Variants in NRXN1 observed in about 807,000 individuals in gnomAD.
NRXN1 encodes the protein neurexin 1, also known as neurexin-1.
NRXN1 carries 39 observed loss-of-function variants against 150.9 expected under a neutral mutation model. The observed-to-expected ratio is 0.26, with a 90% confidence interval of 0.20 to 0.34. NRXN1 has a LOEUF of 0.34. Among genes scored for constraint, NRXN1 ranks in the 10% least tolerant of loss-of-function variants. NRXN1 has a pLI of 1.00. For synonymous variants in NRXN1, 924 were observed against 757.0 expected (o/e 1.22, Z -3.62); for missense variants, 1,815 against 1,949.9 (o/e 0.93, Z 1.30).
intron 22 of NRXN1, among the ~76,000 whole-genome samples, chr2:49,933,520 G>A (rs1438455466): frequency 6.6e-6 from 1 of 152,118 alleles, no homozygotes; most frequent in Non-Finnish European, 1.5e-5. Context: ...GTGAAGAGTG[G>A]TAAAAAGAAT....
At chr2:50,888,688 T>C (rs1398053504) in intron 5 of NRXN1, among the ~76,000 whole-genome samples, 2 of 151,660 alleles carry the variant, frequency 1.3e-5, no homozygotes, top group Non-Finnish European at 3.0e-5. Flanking sequence ...AAATATGTTT[T>C]GACAATGATA....
At chr2:50,920,225 C>A (rs564926639) in intron 5 of NRXN1, among the ~76,000 whole-genome samples, 1 of 151,666 alleles carries the variant, frequency 6.6e-6, no homozygotes, top group East Asian at 2.0e-4. Flanking sequence ...GATTGAGGAA[C>A]AAAATCTGAT....
intron 12 of NRXN1, among the ~76,000 whole-genome samples, chr2:50,512,659 ACTTAT>A (rs1401026431): frequency 6.6e-6 from 1 of 152,164 alleles, no homozygotes; most frequent in African/African-American, 2.4e-5. Context: ...TGGGTCTTGA[ACTTAT>A]TTAGGACCTA....
At chr2:49,960,521 T>C (rs1675741672) in intron 21 of NRXN1, among the ~76,000 whole-genome samples, 1 of 152,180 alleles carries the variant, frequency 6.6e-6, no homozygotes, top group Non-Finnish European at 1.5e-5. Flanking sequence ...ATCACATTAA[T>C]TTCCTCATTC....
chr2:50,584,783 T>A (rs925569071), intron 8 of NRXN1, among the ~76,000 whole-genome samples: 1 of 152,156 alleles, frequency 6.6e-6, no homozygotes, highest in Non-Finnish European at 1.5e-5. Context: ...CCACAGTATA[T>A]CTACATGAAT....
At chr2:50,167,745 G>T (rs1197681018) in intron 18 of NRXN1, among the ~76,000 whole-genome samples, 1 of 152,060 alleles carries the variant, frequency 6.6e-6, no homozygotes, top group Non-Finnish European at 1.5e-5. Flanking sequence ...TTGATGCCTA[G>T]TTTCTATGCC....
intron 21 of NRXN1, among the ~76,000 whole-genome samples, chr2:49,946,156 T>C (rs966090112): frequency 1.3e-5 from 2 of 152,214 alleles, no homozygotes; most frequent in African/African-American, 2.4e-5. Flanking sequence ...CTTTTTTTCA[T>C]ATGTGTGTTG....
intron 5 of NRXN1, among the ~76,000 whole-genome samples, chr2:50,835,691 T>G (rs1320613187): frequency 6.6e-6 from 1 of 152,292 alleles, no homozygotes; most frequent in Non-Finnish European, 1.5e-5. Context: ...AAAATAAAAA[T>G]AATCTTTAAA....
chr2:50,625,344 C>A (rs1168950292), intron 5 of NRXN1, among the ~76,000 whole-genome samples: 1 of 151,982 alleles, frequency 6.6e-6, no homozygotes, highest in African/African-American at 2.4e-5. Flanking sequence ...GAATTGAGCC[C>A]TGGAATATTA....
intron 2 of NRXN1, among the ~76,000 whole-genome samples, chr2:51,000,572 A>G (rs917095940): frequency 1.3e-5 from 2 of 151,962 alleles, no homozygotes; most frequent in African/African-American, 2.4e-5. Flanking sequence ...ATAATGAAAC[A>G]ATTTTTGGAA....
intron 2 of NRXN1, among the ~76,000 whole-genome samples, chr2:50,927,085 T>C (rs1342954163): frequency 7.2e-5 from 11 of 151,952 alleles, no homozygotes; most frequent in Non-Finnish European, 2.9e-5. Flanking sequence ...AGTCTCATCC[T>C]TATTTTTTGT....
At chr2:50,295,027 T>C (rs929916596) in intron 17 of NRXN1, among the ~76,000 whole-genome samples, 8 of 152,196 alleles carry the variant, frequency 5.3e-5, no homozygotes, top group Non-Finnish European at 8.8e-5. Context: ...ATATTAACTA[T>C]TGGAAACACT....
intron 2 of NRXN1, among the ~76,000 whole-genome samples, chr2:51,021,009 T>A (rs1669517046): frequency 6.6e-6 from 1 of 151,962 alleles, no homozygotes; most frequent in Non-Finnish European, 1.5e-5. Flanking sequence ...AAGATTTACG[T>A]ATTCAGCAAA....
chr2:50,558,865 AG>A (rs1668629249), intron 8 of NRXN1, among the ~76,000 whole-genome samples: 1 of 152,106 alleles, frequency 6.6e-6, no homozygotes. Flanking sequence ...TCACGAGGTC[AG>A]GAGATCGAGA....
At chr2:50,496,988 T>C (rs1434799827) in intron 14 of NRXN1, among the ~76,000 whole-genome samples, 2 of 152,336 alleles carry the variant, frequency 1.3e-5, no homozygotes, top group Middle Eastern at 3.4e-3. Flanking sequence ...TAATTTAGCA[T>C]AGACTATCCT....
At chr2:50,551,105 G>A (rs1382436634) in intron 9 of NRXN1, among the ~76,000 whole-genome samples, 33 of 110,400 alleles carry the variant, frequency 3.0e-4, no homozygotes, top group East Asian at 7.3e-4. Flanking sequence ...GGAGGAGGAG[G>A]GAGGGGGAGG....
At chr2:50,595,170 T>C (rs1674956039) in intron 8 of NRXN1, among the ~76,000 whole-genome samples, 1 of 152,064 alleles carries the variant, frequency 6.6e-6, no homozygotes, top group Non-Finnish European at 1.5e-5. Flanking sequence ...TTTGAAATGA[T>C]GGTGAGACCT....
chr2:50,392,293 A>G (rs1224374760), intron 17 of NRXN1, among the ~76,000 whole-genome samples: 1 of 152,122 alleles, frequency 6.6e-6, no homozygotes, highest in Non-Finnish European at 1.5e-5. Context: ...TAATTCCCAT[A>G]GCGACCTCCT....
At chr2:50,386,965 A>T (rs1160888212) in intron 17 of NRXN1, among the ~76,000 whole-genome samples, 1 of 152,190 alleles carries the variant, frequency 6.6e-6, no homozygotes, top group African/African-American at 2.4e-5. Context: ...TATAGTTGAC[A>T]GAACAAGCTG....
Sources: allele counts gnomAD v4.1 joint callset (sites outside exome capture counted in the v4.1 genomes callset), GRCh38; gene constraint gnomAD v4.1.1; transcripts MANE v1.5; gene names NCBI Gene and HGNC (gene_info 2026-07-23, HGNC 2026-07-21).